Variants in PDE1A observed in about 807,000 individuals in gnomAD.
PDE1A encodes the protein dual specificity calcium/calmodulin-dependent 3',5'-cyclic nucleotide phosphodiesterase 1A.
In PDE1A, 35 loss-of-function variants were observed where a neutral mutation model predicts 61.7. That is an observed-to-expected ratio of 0.57 (90% CI 0.43 to 0.75). The LOEUF is 0.75. PDE1A is among the 30% of genes least tolerant of loss of function. The pLI is 0.00. For missense variants in PDE1A, 597 were observed against 630.6 expected (o/e 0.95, Z 0.57); for synonymous variants, 232 against 213.2 (o/e 1.09, Z -0.77).
intron 1 of PDE1A, among the ~76,000 whole-genome samples, chr2:182,407,196 G>C (rs1702346855): frequency 6.6e-6 from 1 of 152,112 alleles, no homozygotes; most frequent in African/African-American, 2.4e-5. Flanking sequence ...TGTTTCTGCA[G>C]ATTGATTCTA....
intron 1 of PDE1A, among the ~76,000 whole-genome samples, chr2:182,299,932 C>G (rs1158572474): frequency 6.6e-6 from 1 of 152,160 alleles, no homozygotes; most frequent in African/African-American, 2.4e-5. Context: ...ACTTGAGCAG[C>G]AGCTAGCAAT....
At chr2:182,493,639 G>A (rs528811715) in intron 2 of PDE1A, among the ~76,000 whole-genome samples, 2 of 152,136 alleles carry the variant, frequency 1.3e-5, no homozygotes, top group Admixed American at 6.5e-5. Context: ...TGTTTATTGC[G>A]GCATTATTCA....
chr2:182,715,909 C>A, the PDE1A span: 1 of 152,238 alleles, frequency 6.6e-6, no homozygotes, highest in Admixed American at 6.5e-5. Flanking sequence ...AAAGCTCCGT[C>A]TTCCCTTTAA....
chr2:182,236,226 A>G (rs1689999176), intron 3 of PDE1A, among the ~76,000 whole-genome samples: 1 of 152,212 alleles, frequency 6.6e-6, no homozygotes, highest in Admixed American at 6.5e-5. Flanking sequence ...AAAACTAAAA[A>G]TACTTATATT....
chr2:182,486,389 A>G (rs1688025716), intron 2 of PDE1A, among the ~76,000 whole-genome samples: 1 of 152,066 alleles, frequency 6.6e-6, no homozygotes, highest in African/African-American at 2.4e-5. Context: ...GATCTACAGA[A>G]ACAATAATAT....
chr2:182,210,403 A>G (rs1687482330), intron 7 of PDE1A, among the ~76,000 whole-genome samples: 2 of 152,182 alleles, frequency 1.3e-5, no homozygotes, highest in African/African-American at 4.8e-5. Context: ...CTCTGATGAC[A>G]TGATATGGAA....
intron 2 of PDE1A, among the ~76,000 whole-genome samples, chr2:182,258,187 A>C (rs939983377): frequency 6.6e-6 from 1 of 152,120 alleles, no homozygotes; most frequent in African/African-American, 2.4e-5. Context: ...AAGAAAAGAA[A>C]AAAAGAAAAA....
the PDE1A span, among the ~76,000 whole-genome samples, chr2:182,698,862 T>C: frequency 6.6e-6 from 1 of 152,188 alleles, no homozygotes; most frequent in African/African-American, 2.4e-5. Context: ...AAGGCTGTTC[T>C]TAATGTTCTT....
At chr2:182,556,499 G>A in the PDE1A span, among the ~76,000 whole-genome samples, 1 of 152,160 alleles carries the variant, frequency 6.6e-6, no homozygotes, top group African/African-American at 2.4e-5. Flanking sequence ...TAAAGACAGT[G>A]TAATAATGAT....
chr2:182,709,326 G>A, the PDE1A span, among the ~76,000 whole-genome samples: 1 of 152,026 alleles, frequency 6.6e-6, no homozygotes, highest in East Asian at 1.9e-4. Flanking sequence ...TACTCCCACC[G>A]GGCCAGACAT....
the PDE1A span, among the ~76,000 whole-genome samples, chr2:182,544,985 T>C: frequency 6.6e-6 from 1 of 152,196 alleles, no homozygotes; most frequent in Non-Finnish European, 1.5e-5. Context: ...TTATTATTTT[T>C]ATAATAATTA....
At chr2:182,530,970 T>C in the PDE1A span, among the ~76,000 whole-genome samples, 1 of 152,174 alleles carries the variant, frequency 6.6e-6, no homozygotes, top group African/African-American at 2.4e-5. Flanking sequence ...GTGGAATATA[T>C]AAAATTATTA....
At position 182,176,106 on chromosome 2, in the gene PDE1A, A is replaced by C. The variant is rs904261948; in HGVS notation, c.1517-7816T>G. Among the ~76,000 whole-genome samples, 488 of 149,036 alleles carry C rather than the reference A, an allele frequency of 3.3e-3. 7 individuals are homozygous for C. Among genetic ancestry groups the C allele is most frequent in the Non-Finnish European group, 4.2e-3 (288 of 67,928 alleles). On this transcript the variant is annotated intron_variant, in intron 13 of 13. Coordinates refer to ENST00000351439, the Ensembl canonical transcript of PDE1A. Reference sequence around the variant, plus strand: ...ACTGTAGCCTTGTAGTATAGTTTGAAGTCAGGTAGTGTGATGCCTCCAGCT... The same window carrying C: ...ACTGTAGCCTTGTAGTATAGTTTGACGTCAGGTAGTGTGATGCCTCCAGCT...
intron 1 of PDE1A, among the ~76,000 whole-genome samples, chr2:182,419,609 G>A (rs1229127997): frequency 6.6e-6 from 1 of 152,034 alleles, no homozygotes; most frequent in East Asian, 1.9e-4. Flanking sequence ...AAGCTCTACT[G>A]GCCATTTGTT....
intron 2 of PDE1A, among the ~76,000 whole-genome samples, chr2:182,448,010 C>A (rs1685253850): frequency 6.6e-6 from 1 of 152,084 alleles, no homozygotes. Flanking sequence ...ACTATGTGAT[C>A]TTGTTTCACA....
chr2:182,215,640 C>T (rs1199225880), intron 7 of PDE1A, among the ~76,000 whole-genome samples: 1 of 132,220 alleles, frequency 7.6e-6, no homozygotes, highest in Non-Finnish European at 1.6e-5. Flanking sequence ...ACAAACACCT[C>T]TACGCAAATA....
In PDE1A at chr2:182,310,612, T is replaced by C. The variant is rs538599947; in HGVS notation, c.54-46198A>G. 2.6e-5 allele frequency among the ~76,000 whole-genome samples: 4 copies of C among 152,266 alleles called. No homozygotes were observed. In the East Asian group the frequency reaches 7.7e-4, roughly 29 times the overall value. ...ACGAGATGTATTTAACGCAAATTTA[T>C]TCCCCCAAAGACAATATAATTGGCA... On this transcript the variant is annotated intron_variant, in intron 1 of 13. Coordinates refer to ENST00000351439, the Ensembl canonical transcript of PDE1A.
chr2:182,279,548 A>G (rs879263463), intron 1 of PDE1A, among the ~76,000 whole-genome samples: 9 of 151,926 alleles, frequency 5.9e-5, no homozygotes, highest in Non-Finnish European at 1.0e-4. Flanking sequence ...TACAGCTTCA[A>G]TGGTATAGGG....
the PDE1A span, among the ~76,000 whole-genome samples, chr2:182,699,873 A>G: frequency 6.6e-6 from 1 of 152,194 alleles, no homozygotes; most frequent in Non-Finnish European, 1.5e-5. Flanking sequence ...CAAGAGGTCA[A>G]CCAATTTGTC....
Sources: allele counts gnomAD v4.1 joint callset (sites outside exome capture counted in the v4.1 genomes callset), GRCh38; gene constraint gnomAD v4.1.1; transcripts MANE v1.5; gene names NCBI Gene and HGNC (gene_info 2026-07-23, HGNC 2026-07-21).